GRIK4: variants seen among roughly 807,000 people sequenced by gnomAD.
GRIK4 encodes glutamate ionotropic receptor kainate type subunit 4.
Under a neutral mutation model 104.9 loss-of-function variants are expected in GRIK4, and 40 were observed. The observed-to-expected ratio is 0.38, with a 90% CI of 0.30 to 0.50. The LOEUF is 0.50. Ranked by LOEUF, GRIK4 falls within the 20% of genes least tolerant of loss-of-function variation. The probability of loss-of-function intolerance (pLI) is 0.93; values close to 1 mark genes in which losing one functional copy is unlikely to be tolerated. For missense variants in GRIK4, 1,047 were observed against 1,308.1 expected (o/e 0.80, Z 3.08); for synonymous variants, 485 against 524.9 (o/e 0.92, Z 1.04).
intron 13 of GRIK4, among the ~76,000 whole-genome samples, chr11:120,909,507 C>T (rs1484867686): frequency 6.6e-6 from 1 of 152,076 alleles, no homozygotes; most frequent in African/African-American, 2.4e-5. Flanking sequence ...TGGCAGCTCT[C>T]CAGGGGCTCT....
At chr11:120,739,249 G>C (rs970928305) in intron 3 of GRIK4, among the ~76,000 whole-genome samples, 1 of 152,206 alleles carries the variant, frequency 6.6e-6, no homozygotes, top group Non-Finnish European at 1.5e-5. Context: ...AGTAGTGCCT[G>C]CTTGTAGAAT....
chr11:120,575,000 C>T (rs1475059719), intron 1 of GRIK4, among the ~76,000 whole-genome samples: 4 of 152,232 alleles, frequency 2.6e-5, no homozygotes, highest in Non-Finnish European at 5.9e-5. Flanking sequence ...CCTTCATTTG[C>T]ATTTCTCCTA....
intron 1 of GRIK4, among the ~76,000 whole-genome samples, chr11:120,529,101 T>C (rs1240462100): frequency 6.6e-6 from 1 of 152,104 alleles, no homozygotes; most frequent in Non-Finnish European, 1.5e-5. Flanking sequence ...AGCCCTTTCC[T>C]GACGCCTCCC....
chr11:120,568,646 C>G (rs1056705430), intron 1 of GRIK4, among the ~76,000 whole-genome samples: 3 of 152,186 alleles, frequency 2.0e-5, no homozygotes, highest in Non-Finnish European at 2.9e-5. Flanking sequence ...CCTCGGCCCC[C>G]CAAAGTGCTG....
chr11:120,697,024 C>T (rs1267812599), intron 3 of GRIK4, among the ~76,000 whole-genome samples: 2 of 152,192 alleles, frequency 1.3e-5, no homozygotes, highest in South Asian at 4.1e-4. Flanking sequence ...TATGTTTCTT[C>T]TTATGAATGG....
At chr11:120,877,654 T>C (rs541917705) in intron 11 of GRIK4, among the ~76,000 whole-genome samples, 1 of 152,296 alleles carries the variant, frequency 6.6e-6, no homozygotes, top group South Asian at 2.1e-4. Flanking sequence ...GTGGAGCCTG[T>C]ATTCTAGTAG....
chr11:120,623,891 C>T (rs969839208), intron 1 of GRIK4, among the ~76,000 whole-genome samples: 9 of 152,130 alleles, frequency 5.9e-5, no homozygotes, highest in African/African-American at 1.7e-4. Context: ...TGCTGCCCTC[C>T]GTGGCACCCT....
chr11:120,571,854 G>C (rs1274610274), intron 1 of GRIK4, among the ~76,000 whole-genome samples: 1 of 152,174 alleles, frequency 6.6e-6, no homozygotes, highest in African/African-American at 2.4e-5. Context: ...CCTACTTGGT[G>C]GTGGGGAACA....
At chr11:120,828,922 C>A (rs1459299017) in intron 6 of GRIK4, among the ~76,000 whole-genome samples, 1 of 152,168 alleles carries the variant, frequency 6.6e-6, no homozygotes, top group African/African-American at 2.4e-5. Context: ...GTTTCGTGCA[C>A]CTGCCATTTG....
chr11:120,687,469 A>G (rs905221574), intron 3 of GRIK4, among the ~76,000 whole-genome samples: 9 of 152,016 alleles, frequency 5.9e-5, no homozygotes, highest in African/African-American at 2.2e-4. Context: ...CATTTATCAC[A>G]TTTAAAGTCC....
intron 3 of GRIK4, among the ~76,000 whole-genome samples, chr11:120,791,424 C>G (rs567054210): frequency 6.6e-6 from 1 of 152,186 alleles, no homozygotes; most frequent in Non-Finnish European, 1.5e-5. Flanking sequence ...AATGTCTATT[C>G]GAATCTTTTG....
chr11:120,970,555 C>T (rs913849365), intron 19 of GRIK4, among the ~76,000 whole-genome samples: 1 of 152,120 alleles, frequency 6.6e-6, no homozygotes, highest in Non-Finnish European at 1.5e-5. Context: ...AGCCCCAGGA[C>T]CTCTTGCTTT....
intron 1 of GRIK4, among the ~76,000 whole-genome samples, chr11:120,615,037 C>A (rs538723487): frequency 6.6e-6 from 1 of 151,450 alleles, no homozygotes; most frequent in South Asian, 2.1e-4. Flanking sequence ...AACAAACAAA[C>A]AAAAACCGTA....
At chr11:120,666,648 A>G (rs1364790892) in intron 3 of GRIK4, among the ~76,000 whole-genome samples, 2 of 152,208 alleles carry the variant, frequency 1.3e-5, no homozygotes, top group East Asian at 3.9e-4. Flanking sequence ...GCTGATTTCC[A>G]TATCATTTTG....
At chr11:120,891,280 G>T (rs1047130799) in intron 11 of GRIK4, among the ~76,000 whole-genome samples, 5 of 152,222 alleles carry the variant, frequency 3.3e-5, no homozygotes, top group African/African-American at 1.2e-4. Flanking sequence ...AGAGGGGAAA[G>T]GACTTGGCAA....
chr11:120,730,318 A>G (rs1951106369), intron 3 of GRIK4, among the ~76,000 whole-genome samples: 1 of 152,174 alleles, frequency 6.6e-6, no homozygotes, highest in African/African-American at 2.4e-5. Context: ...CAATTGCGCC[A>G]CTGCACTCCA....
At chr11:120,527,235 G>A (rs1401869284) in intron 1 of GRIK4, among the ~76,000 whole-genome samples, 1 of 152,226 alleles carries the variant, frequency 6.6e-6, no homozygotes, top group African/African-American at 2.4e-5. Flanking sequence ...CCCTGCTGGG[G>A]TCCTGCCAGG....
At chr11:120,888,428 T>G (rs1421054302) in intron 11 of GRIK4, among the ~76,000 whole-genome samples, 3 of 152,170 alleles carry the variant, frequency 2.0e-5, no homozygotes, top group Non-Finnish European at 4.4e-5. Flanking sequence ...TTAGATGAGA[T>G]GACAAATATA....
intron 3 of GRIK4, among the ~76,000 whole-genome samples, chr11:120,738,526 A>G (rs904419036): frequency 1.3e-5 from 2 of 152,160 alleles, no homozygotes; most frequent in Non-Finnish European, 2.9e-5. Context: ...GCTGAAGTCC[A>G]TCACCGTTCA....
Sources: allele counts gnomAD v4.1 joint callset (sites outside exome capture counted in the v4.1 genomes callset), GRCh38; gene constraint gnomAD v4.1.1; transcripts MANE v1.5; gene names NCBI Gene and HGNC (gene_info 2026-07-23, HGNC 2026-07-21).